COBL: variants seen among roughly 807,000 people sequenced by gnomAD.
The protein encoded by COBL is cordon-bleu WH2 repeat protein.
A neutral mutation model predicts 98.8 loss-of-function variants in COBL; 51 were observed. That is an observed-to-expected ratio of 0.52 (90% CI 0.41 to 0.65). The LOEUF is 0.65. Ranked by LOEUF, COBL falls within the 30% of genes least tolerant of loss-of-function variation. The pLI is 0.00. For missense variants in COBL, 1,617 were observed against 1,617.5 expected (o/e 1.00, Z 0.01); for synonymous variants, 634 against 651.7 (o/e 0.97, Z 0.41).
chr7:51,222,033 C>CA (rs1329196387), intron 1 of COBL, among the ~76,000 whole-genome samples: 1 of 151,818 alleles, frequency 6.6e-6, no homozygotes, highest in South Asian at 2.1e-4. Context: ...ACTAAAAATA[C>CA]AAAAAATTAG....
At chr7:51,112,937 T>A (rs1796964862) in intron 6 of COBL, among the ~76,000 whole-genome samples, 1 of 152,150 alleles carries the variant, frequency 6.6e-6, no homozygotes, top group South Asian at 2.1e-4. Flanking sequence ...AAACAAAATA[T>A]AAAAACTCCT....
At chr7:51,223,315 A>G (rs1433537603) in intron 1 of COBL, among the ~76,000 whole-genome samples, 1 of 152,270 alleles carries the variant, frequency 6.6e-6, no homozygotes, top group East Asian at 1.9e-4. Flanking sequence ...ACATTTAAAA[A>G]ATTGTAATAT....
intron 1 of COBL, among the ~76,000 whole-genome samples, chr7:51,253,151 G>C (rs985505318): frequency 2.0e-5 from 3 of 152,096 alleles, no homozygotes; most frequent in Non-Finnish European, 4.4e-5. Flanking sequence ...TTGAACCCAG[G>C]AGGCGGAGGT....
At chr7:51,069,519 A>G (rs988611415) in intron 7 of COBL, among the ~76,000 whole-genome samples, 4 of 152,270 alleles carry the variant, frequency 2.6e-5, no homozygotes, top group Non-Finnish European at 5.9e-5. Context: ...GCTATGCTCA[A>G]GGCTTACTTG....
chr7:51,208,394 G>A (rs566534368), intron 2 of COBL, among the ~76,000 whole-genome samples: 20 of 132,846 alleles, frequency 1.5e-4, no homozygotes, highest in African/African-American at 4.9e-4. Flanking sequence ...GGTGGGGGGG[G>A]TCAGCCCCCC....
chr7:51,274,768 C>A (rs1393883599), intron 1 of COBL, among the ~76,000 whole-genome samples: 2 of 152,128 alleles, frequency 1.3e-5, no homozygotes, highest in African/African-American at 4.8e-5. Flanking sequence ...CAGACGTATT[C>A]TAGAAAACAA....
chr7:51,275,586 A>C (rs528055569), intron 1 of COBL, among the ~76,000 whole-genome samples: 5 of 152,058 alleles, frequency 3.3e-5, no homozygotes, highest in South Asian at 4.2e-4. Flanking sequence ...AGTGCACTCC[A>C]GCTCCACCTG....
intron 5 of COBL, among the ~76,000 whole-genome samples, chr7:51,145,761 T>C (rs900116778): frequency 3.3e-5 from 5 of 152,232 alleles, no homozygotes; most frequent in Admixed American, 3.3e-4. Flanking sequence ...TCACCAGCAA[T>C]GAACAAGGGT....
At chr7:51,131,566 G>A (rs1474081511) in intron 6 of COBL, among the ~76,000 whole-genome samples, 2 of 151,684 alleles carry the variant, frequency 1.3e-5, no homozygotes, top group Non-Finnish European at 2.9e-5. Context: ...CTACACAAGG[G>A]TGTCTTGACA....
At chr7:51,087,007 G>A (rs901767202) in intron 6 of COBL, among the ~76,000 whole-genome samples, 28 of 150,924 alleles carry the variant, frequency 1.9e-4, no homozygotes, top group African/African-American at 6.3e-4. Context: ...CATTTATTCC[G>A]TTTTTCTAAA....
intron 4 of COBL, among the ~76,000 whole-genome samples, chr7:51,185,935 C>T (rs568856392): frequency 6.6e-6 from 1 of 152,204 alleles, no homozygotes; most frequent in Non-Finnish European, 1.5e-5. Flanking sequence ...TCCTAGCCAC[C>T]AGGGCAGGGC....
chr7:51,115,748 G>A (rs1797217485), intron 6 of COBL, among the ~76,000 whole-genome samples: 2 of 151,972 alleles, frequency 1.3e-5, no homozygotes, highest in African/African-American at 4.8e-5. Context: ...TGGTAGTGTT[G>A]GTCAGATCCT....
At chr7:51,123,734 T>C (rs2128992600) in intron 6 of COBL, among the ~76,000 whole-genome samples, 1 of 152,214 alleles carries the variant, frequency 6.6e-6, no homozygotes, top group Admixed American at 6.5e-5. Context: ...AGTAAATGAG[T>C]CAAACATTTT....
At chr7:51,248,656 A>G (rs1030868385) in intron 1 of COBL, among the ~76,000 whole-genome samples, 9 of 152,140 alleles carry the variant, frequency 5.9e-5, no homozygotes, top group Non-Finnish European at 1.0e-4. Flanking sequence ...TCTTTGGTTT[A>G]TATCAGTTTT....
chr7:51,246,979 T>C (rs1049991364), intron 1 of COBL, among the ~76,000 whole-genome samples: 1 of 152,206 alleles, frequency 6.6e-6, no homozygotes, highest in Non-Finnish European at 1.5e-5. Context: ...TAAGTCACCA[T>C]AGCCAACACA....
intron 1 of COBL, among the ~76,000 whole-genome samples, chr7:51,266,187 C>T (rs1798185209): frequency 6.6e-6 from 1 of 152,164 alleles, no homozygotes; most frequent in South Asian, 2.1e-4. Context: ...TCTGTATGGA[C>T]ACTAAATACA....
chr7:51,265,886 C>A (rs1798155935), intron 1 of COBL, among the ~76,000 whole-genome samples: 1 of 152,144 alleles, frequency 6.6e-6, no homozygotes, highest in African/African-American at 2.4e-5. Context: ...TTCCATTACA[C>A]CTCTGAATTT....
chr7:51,300,076 A>ACTTCC (rs1253906676), intron 1 of COBL, among the ~76,000 whole-genome samples: 2 of 152,068 alleles, frequency 1.3e-5, no homozygotes, highest in Non-Finnish European at 2.9e-5. Flanking sequence ...TGCCTTCCTT[A>ACTTCC]CTTCCCTATT....
At chr7:51,127,327 C>T (rs1798308747) in intron 6 of COBL, among the ~76,000 whole-genome samples, 1 of 152,202 alleles carries the variant, frequency 6.6e-6, no homozygotes, top group Admixed American at 6.5e-5. Context: ...GACAGACACC[C>T]AAGTCCCCAG....
Sources: gnomAD v4.1 joint callset for allele counts (sites outside exome capture counted in the v4.1 genomes callset) on GRCh38, gnomAD v4.1.1 for gene constraint, MANE v1.5 for transcripts, NCBI Gene and HGNC (gene_info 2026-07-23, HGNC 2026-07-21) for gene names.